Variants in ZDHHC23 observed in about 807,000 individuals in gnomAD.
ZDHHC23 encodes the protein zDHHC palmitoyltransferase 23, also known as palmitoyltransferase ZDHHC23.
ZDHHC23 carries 41 observed loss-of-function variants against 40.2 expected under a neutral mutation model. The ratio of observed to expected loss-of-function variants is 1.02; its 90% CI spans 0.79 to 1.32. ZDHHC23 has a LOEUF of 1.32. ZDHHC23 is among the 40% of genes most tolerant of loss of function. ZDHHC23 has a pLI of 0.00. For missense variants in ZDHHC23, 471 were observed against 541.5 expected, an observed-to-expected ratio of 0.87 and a Z score of 1.29; for synonymous variants, 204 against 210.2, an observed-to-expected ratio of 0.97 and a Z score of 0.26.
the ZDHHC23 span, chr3:113,978,041 G>A: frequency 1.3e-6 from 1 of 787,482 alleles, no homozygotes. Flanking sequence ...TACATTGCTG[G>A]TGAGCCGGGA....
At position 113,953,752 on chromosome 3, in the gene ZDHHC23, A is replaced by G; in HGVS notation, c.214A>G (p.Thr72Ala). Residue 72 changes from threonine (T) to alanine (A), a missense_variant, in exon 3 of 5, where the codon ACA (threonine) becomes GCA (alanine). Around this residue, in one of 3 missense-constraint regions of ZDHHC23, gnomAD observed 42 missense variants for 73.9 expected, o/e 0.57. Coordinates refer to ENST00000638807, the MANE Select transcript of ZDHHC23 (RefSeq NM_001320466.2). The part of the protein sequence containing the change: ...QPETCERIMD[T>A]ISDRLRIPWL... ...AGAGACTTGTGAAAGAATCATGGAT[A>G]CAATTTCTGATCGCCTCCGAATTCC... is the stretch of plus-strand genomic sequence containing the variant. 1 of 1,614,188 alleles carries G rather than the reference A, an allele frequency of 6.2e-7. No individual in the cohort carries two copies. Among genetic ancestry groups the G allele is most frequent in the Non-Finnish European group, 8.5e-7 (1 of 1,180,042 alleles).
At chr3:113,978,632 C>CT in the ZDHHC23 span, 1 of 596,362 alleles carries the variant, frequency 1.7e-6, no homozygotes, top group Non-Finnish European at 2.9e-6. Flanking sequence ...GGAATGATAA[C>CT]TTACAGTTTA....
At chr3:113,979,027 A>C in the ZDHHC23 span, 3 of 1,608,856 alleles carry the variant, frequency 1.9e-6, no homozygotes, top group South Asian at 3.3e-5. Flanking sequence ...AATTTTTTAA[A>C]TGAGAAATAT....
chr3:113,968,919 G>A (rs1940509077), downstream of ZDHHC23, among the ~76,000 whole-genome samples: 1 of 151,444 alleles, frequency 6.6e-6, no homozygotes, highest in Admixed American at 6.6e-5. Context: ...TATTGGACTT[G>A]CAGTTTTGCC....
downstream of ZDHHC23, among the ~76,000 whole-genome samples, chr3:113,966,196 TAAC>T (rs927272619): frequency 2.0e-4 from 31 of 152,214 alleles, 1 homozygote; most frequent in Admixed American, 7.2e-4. Context: ...ACAGCAGCAA[TAAC>T]AACAAAGAAC....
the ZDHHC23 span, among the ~76,000 whole-genome samples, chr3:113,971,163 C>G: frequency 6.6e-6 from 1 of 152,182 alleles, no homozygotes; most frequent in African/African-American, 2.4e-5. Flanking sequence ...AATGATTGAA[C>G]TAGTTTACAG....
the ZDHHC23 span, among the ~76,000 whole-genome samples, chr3:113,976,270 AAAAAC>A: frequency 6.6e-6 from 1 of 152,098 alleles, no homozygotes. Context: ...GGGTAAAAAA[AAAAAC>A]AAAACAAAAC....
At chr3:113,965,275 CT>C (rs1940000907), downstream of ZDHHC23, 1 of 1,612,582 alleles carries the variant, frequency 6.2e-7, no homozygotes, top group South Asian at 1.1e-5. Context: ...TACGAAGTTG[CT>C]GTCGCCTTTC....
the ZDHHC23 span, among the ~76,000 whole-genome samples, chr3:113,979,279 G>C: frequency 2.6e-5 from 4 of 152,258 alleles, no homozygotes; most frequent in East Asian, 7.7e-4. Context: ...CAACCTCTAA[G>C]CCATTACTTC....
At chr3:113,948,989 TG>T (rs777144427) in intron 2 of ZDHHC23, 26 bp downstream of exon 2, 101 of 1,613,088 alleles carry the variant, frequency 6.3e-5, no homozygotes, top group Non-Finnish European at 8.4e-5. Context: ...TTCTTGACGC[TG>T]GCCCCATCAC....
Position 113,960,849 on chromosome 3 carries a change from A to G in ZDHHC23, c.*2219A>G, listed in dbSNP as rs1939632768. Reference sequence around the variant, plus strand: ...GAACCCATGATGGACAGTTGACAGAATGCTTAAACCTGTCAAAAGATGAGT... The same window carrying G: ...GAACCCATGATGGACAGTTGACAGAGTGCTTAAACCTGTCAAAAGATGAGT... On this transcript the variant is annotated 3_prime_UTR_variant, in exon 5 of 5. Transcript: ENST00000638807. The G allele has an allele frequency of 6.9e-7, 1 of 1,447,078 alleles. No individual in the cohort carries two copies. Among genetic ancestry groups the G allele is most frequent in the African/African-American group, 1.5e-5 (1 of 67,786 alleles). 89.6% of individuals were successfully genotyped at this position (1,447,078 alleles called of 1,614,324 possible).
the ZDHHC23 span, among the ~76,000 whole-genome samples, chr3:113,976,690 G>A: frequency 6.6e-6 from 1 of 151,796 alleles, no homozygotes; most frequent in East Asian, 1.9e-4. Context: ...AGTGCATTGA[G>A]TGAGTTACTA....
intron 3 of ZDHHC23, among the ~76,000 whole-genome samples, chr3:113,955,359 CGTGTGTGTGTGTGTGTGTGTGTGT>C (rs68123933): frequency 6.8e-6 from 1 of 147,408 alleles, no homozygotes; most frequent in African/African-American, 2.5e-5. Context: ...TTCACTTATT[CGTGTGTGTGTGTGTGTGTGTGTGT>C]GTGTGTGTGC....
chr3:113,968,683 C>T (rs1484843492), downstream of ZDHHC23, among the ~76,000 whole-genome samples: 7 of 150,858 alleles, frequency 4.6e-5, no homozygotes, highest in African/African-American at 1.7e-4. Flanking sequence ...TGGTCTTGAA[C>T]TCCTTGACTC....
chr3:113,970,566 T>C, the ZDHHC23 span, among the ~76,000 whole-genome samples: 1 of 152,124 alleles, frequency 6.6e-6, no homozygotes, highest in Non-Finnish European at 1.5e-5. Context: ...GCCAGGATGT[T>C]GATTTTTCTT....
chr3:113,956,427 C>T lies in ZDHHC23; in HGVS notation c.961C>T (p.Leu321=). ...GCTCACCTCGGTGTATGGGATCACA[C>T]TGACCTTGGACACCATTTGTAGAGA... is the stretch of plus-strand genomic sequence containing the variant. ...FLLTSVYGIT[L]TLDTICRDRS... is the part of the protein sequence containing the mutation. Residue 321 remains leucine (L), a synonymous_variant, in exon 4 of 5, where the codon CTG becomes TTG. Transcript: ENST00000638807. 6.2e-7 allele frequency: 1 copy of T among 1,614,222 alleles called. No homozygotes were observed. Among genetic ancestry groups the T allele is most frequent in the Non-Finnish European group, 8.5e-7 (1 of 1,180,026 alleles).
the ZDHHC23 span, among the ~76,000 whole-genome samples, chr3:113,975,682 G>A: frequency 6.6e-6 from 1 of 152,174 alleles, no homozygotes; most frequent in South Asian, 2.1e-4. Context: ...CAAGTAGGGT[G>A]GTTAGGGAGG....
In ZDHHC23 at chr3:113,960,840, G is replaced by C; in HGVS notation, c.*2210G>C. 1 of 1,468,688 alleles carries C rather than the reference G, an allele frequency of 6.8e-7. No homozygotes were observed. Among genetic ancestry groups the C allele is most frequent in the Non-Finnish European group, 9.0e-7 (1 of 1,108,844 alleles). 91.0% of individuals were successfully genotyped at this position (1,468,688 alleles called of 1,614,324 possible). A position where few individuals can be genotyped will look rare whatever the true frequency, so the allele number is the denominator to read the frequency against. On this transcript the variant is annotated 3_prime_UTR_variant, in exon 5 of 5. Transcript: ENST00000638807. ...GTTCCTTGAGAACCCATGATGGACAGTTGACAGAATGCTTAAACCTGTCAA... is the reference window on the plus strand; with the variant it reads ...GTTCCTTGAGAACCCATGATGGACACTTGACAGAATGCTTAAACCTGTCAA...
intron 2 of ZDHHC23, among the ~76,000 whole-genome samples, chr3:113,950,495 C>T (rs1938558536): frequency 6.6e-6 from 1 of 152,118 alleles, no homozygotes; most frequent in Non-Finnish European, 1.5e-5. Flanking sequence ...GCACAAGTCT[C>T]ATTCATGAGG....
Sources: gnomAD v4.1 joint callset for allele counts (sites outside exome capture counted in the v4.1 genomes callset) on GRCh38, gnomAD v4.1.1 for gene constraint, gnomAD v4.1.1 regional missense constraint, MANE v1.5 for transcripts, NCBI Gene and HGNC (gene_info 2026-07-23, HGNC 2026-07-21) for gene names.